SLC25A26: variants seen among roughly 807,000 people sequenced by gnomAD.
The protein encoded by SLC25A26 is mitochondrial S-adenosylmethionine carrier protein.
SLC25A26 carries 36 observed loss-of-function variants against 37.8 expected under a neutral mutation model. That is an observed-to-expected ratio of 0.95 (90% CI 0.73 to 1.26). The LOEUF (loss-of-function observed/expected upper bound fraction) is 1.26, where lower values mean the gene tolerates loss of function less well. Among genes scored for constraint, SLC25A26 ranks in the 50% most tolerant of loss-of-function variants. SLC25A26 has a pLI of 0.00. For missense variants in SLC25A26, 390 were observed against 331.1 expected (o/e 1.18, Z -1.38); for synonymous variants, 129 against 122.5 (o/e 1.05, Z -0.35).
intron 1 of SLC25A26, among the ~76,000 whole-genome samples, chr3:66,211,667 A>G (rs947461111): frequency 6.6e-6 from 1 of 152,216 alleles, no homozygotes. Flanking sequence ...AAAAATAGAA[A>G]AAAAGTAAGA....
rs532447817 is a variant in SLC25A26 at position 66,331,260 on chromosome 3, C to T, written c.454-15104C>T. ...TTTTCTTTTACTGTATTCACCAGTA[C>T]TCTTAAGGAATGTTGATTGATACTG... On this transcript the variant is annotated intron_variant, in intron 5 of 9. Coordinates refer to ENST00000354883, the MANE Select transcript of SLC25A26 (RefSeq NM_001379210.1). 7.4e-4 allele frequency among the ~76,000 whole-genome samples: 112 copies of T among 152,126 alleles called. No homozygotes were observed. The South Asian group carries it at 8.5e-3, about 12-fold the overall frequency.
At chr3:66,145,237 G>T (rs2070097882) in intron 1 of SLC25A26, among the ~76,000 whole-genome samples, 1 of 152,192 alleles carries the variant, frequency 6.6e-6, no homozygotes, top group Non-Finnish European at 1.5e-5. Flanking sequence ...TCACATAAAT[G>T]ATTACATGGA....
chr3:66,154,279 G>A (rs2070247943), intron 1 of SLC25A26, among the ~76,000 whole-genome samples: 1 of 152,172 alleles, frequency 6.6e-6, no homozygotes. Context: ...AGCAGAGGGA[G>A]CTGATTAAAT....
intron 1 of SLC25A26, among the ~76,000 whole-genome samples, chr3:66,168,003 A>C (rs1277806559): frequency 6.6e-6 from 1 of 151,652 alleles, no homozygotes; most frequent in Non-Finnish European, 1.5e-5. Flanking sequence ...AAAATACAAA[A>C]TTAGCCAGGC....
chr3:66,234,006 T>C (rs1409685543), intron 1 of SLC25A26, among the ~76,000 whole-genome samples: 4 of 152,228 alleles, frequency 2.6e-5, no homozygotes, highest in African/African-American at 7.2e-5. Context: ...TTAAATAATC[T>C]AGTCGCACGA....
intron 1 of SLC25A26, among the ~76,000 whole-genome samples, chr3:66,170,788 ATTG>A (rs1559559097): frequency 8.9e-5 from 5 of 56,458 alleles, no homozygotes; most frequent in Non-Finnish European, 1.4e-4. Context: ...AGATGTGATT[ATTG>A]TTTTTTTTTT....
At chr3:66,270,593 T>G (rs2073925439) in intron 5 of SLC25A26, among the ~76,000 whole-genome samples, 1 of 152,212 alleles carries the variant, frequency 6.6e-6, no homozygotes, top group African/African-American at 2.4e-5. Flanking sequence ...AAATTTCCTC[T>G]TTTATCATAG....
intron 1 of SLC25A26, among the ~76,000 whole-genome samples, chr3:66,227,954 T>C (rs1553661403): frequency 2.0e-5 from 3 of 152,236 alleles, no homozygotes; most frequent in Non-Finnish European, 4.4e-5. Flanking sequence ...AGTGACCTCC[T>C]AGTTTTCAAT....
intron 5 of SLC25A26, among the ~76,000 whole-genome samples, chr3:66,264,017 C>T (rs147592549): frequency 0.042 from 6,359 of 152,106 alleles, 446 homozygotes; most frequent in African/African-American, 0.14. Context: ...TGGTAGCTCA[C>T]GCCTGTAATC....
chr3:66,147,095 TC>T, intron 1 of SLC25A26, among the ~76,000 whole-genome samples: 1 of 12,026 alleles, frequency 8.3e-5, no homozygotes, highest in East Asian at 4.4e-3. Context: ...TCCCCTCCCC[TC>T]CCCTCCCCTC....
In SLC25A26 at chr3:66,263,625, C is replaced by T. The variant is rs115356719; in HGVS notation, c.453+246C>T. On this transcript the variant is annotated intron_variant, in intron 5 of 9. Transcript: ENST00000354883. Reference sequence around the variant, plus strand: ...CCCATGTTGTTACTGACTTGTTATTCTAGGGTGGCTAAATGTCTCTTATAG... The same window carrying T: ...CCCATGTTGTTACTGACTTGTTATTTTAGGGTGGCTAAATGTCTCTTATAG... Among the ~76,000 whole-genome samples, 7 of 152,092 alleles carry T rather than the reference C, an allele frequency of 4.6e-5. No individual in the cohort carries two copies. The East Asian group carries it at 1.2e-3, about 25-fold the overall frequency.
chr3:66,209,010 A>C (rs2071227068), intron 1 of SLC25A26, among the ~76,000 whole-genome samples: 1 of 5,854 alleles, frequency 1.7e-4, no homozygotes, highest in Non-Finnish European at 1.6e-3. Flanking sequence ...ATATAAAGGT[A>C]TATATATATA....
intron 5 of SLC25A26, among the ~76,000 whole-genome samples, chr3:66,333,328 C>T (rs893637350): frequency 1.3e-5 from 2 of 152,074 alleles, no homozygotes; most frequent in Admixed American, 6.5e-5. Flanking sequence ...TCTTTTCTGT[C>T]GTCATTTCTA....
chr3:66,198,254 C>T (rs1426138047), intron 1 of SLC25A26, among the ~76,000 whole-genome samples: 1 of 151,992 alleles, frequency 6.6e-6, no homozygotes, highest in East Asian at 1.9e-4. Flanking sequence ...GTCAAGTTGA[C>T]CCCTCAAACT....
At chr3:66,299,759 G>C (rs895210830) in intron 5 of SLC25A26, among the ~76,000 whole-genome samples, 3 of 152,094 alleles carry the variant, frequency 2.0e-5, no homozygotes, top group Non-Finnish European at 2.9e-5. Context: ...TAAACGTCTT[G>C]ATTGTTTGAC....
intron 1 of SLC25A26, among the ~76,000 whole-genome samples, chr3:66,180,112 G>A (rs1212658133): frequency 2.6e-5 from 4 of 152,180 alleles, no homozygotes; most frequent in African/African-American, 7.2e-5. Context: ...CAGCATCTCT[G>A]TGAAGTAGGA....
At chr3:66,341,843 G>C (rs1232965912) in intron 5 of SLC25A26, among the ~76,000 whole-genome samples, 1 of 151,998 alleles carries the variant, frequency 6.6e-6, no homozygotes, top group African/African-American at 2.4e-5. Context: ...AAAAAAATCA[G>C]AATGTATTTA....
intron 3 of SLC25A26, among the ~76,000 whole-genome samples, chr3:66,256,453 A>C (rs2073305855): frequency 6.6e-6 from 1 of 152,158 alleles, no homozygotes; most frequent in Non-Finnish European, 1.5e-5. Flanking sequence ...AAATTATGTT[A>C]AAAACTTGTG....
chr3:66,271,807 A>T (rs1380036042), intron 5 of SLC25A26, among the ~76,000 whole-genome samples: 1 of 152,056 alleles, frequency 6.6e-6, no homozygotes, highest in East Asian at 1.9e-4. Context: ...AAGATCCATG[A>T]GTAATTGTCT....
Sources: allele counts gnomAD v4.1 joint callset (sites outside exome capture counted in the v4.1 genomes callset), GRCh38; gene constraint gnomAD v4.1.1; transcripts MANE v1.5; gene names NCBI Gene and HGNC (gene_info 2026-07-23, HGNC 2026-07-21).